The following SUCLG2 variants were observed in gnomAD, a reference collection of about 807,000 sequenced individuals.
SUCLG2 encodes the protein succinate--CoA ligase [GDP-forming] subunit beta, mitochondrial.
In SUCLG2, 42 loss-of-function variants were observed where a neutral mutation model predicts 47.9. The ratio of observed to expected loss-of-function variants is 0.88; its 90% CI spans 0.69 to 1.14. The LOEUF (loss-of-function observed/expected upper bound fraction) is 1.14. Among genes scored for constraint, SUCLG2 ranks in the 50% most tolerant of loss-of-function variants. The pLI is 0.00. For synonymous variants in SUCLG2, 195 were observed against 197.3 expected (o/e 0.99, Z 0.10); for missense variants, 571 against 525.9 (o/e 1.09, Z -0.84).
intron 9 of SUCLG2, among the ~76,000 whole-genome samples, chr3:67,493,668 A>G (rs1056573864): frequency 9.2e-5 from 14 of 152,098 alleles, no homozygotes; most frequent in African/African-American, 3.1e-4. Flanking sequence ...GTAGACGCTA[A>G]AAGTTCAGTA....
intron 9 of SUCLG2, among the ~76,000 whole-genome samples, chr3:67,417,639 TAGG>T (rs1703065700): frequency 6.6e-6 from 1 of 152,114 alleles, no homozygotes; most frequent in South Asian, 2.1e-4. Flanking sequence ...GGATCCTGAG[TAGG>T]AGATTTTACT....
chr3:67,497,401 T>C (rs1419137373), intron 8 of SUCLG2, among the ~76,000 whole-genome samples: 6 of 152,168 alleles, frequency 3.9e-5, no homozygotes, highest in Non-Finnish European at 8.8e-5. Context: ...CTGAGCACTA[T>C]AAGCTGTGAA....
At chr3:67,582,317 C>T (rs1707901283) in intron 2 of SUCLG2, among the ~76,000 whole-genome samples, 1 of 152,190 alleles carries the variant, frequency 6.6e-6, no homozygotes, top group Admixed American at 6.5e-5. Flanking sequence ...TTCTTTGTGT[C>T]CATATGTACT....
chr3:67,639,939 T>C (rs1224556794), intron 1 of SUCLG2, among the ~76,000 whole-genome samples: 2 of 152,220 alleles, frequency 1.3e-5, no homozygotes, highest in Non-Finnish European at 2.9e-5. Flanking sequence ...AATACCAGTA[T>C]CAGTTTATTT....
intron 9 of SUCLG2, among the ~76,000 whole-genome samples, chr3:67,402,082 A>G (rs1322825068): frequency 6.6e-6 from 1 of 152,178 alleles, no homozygotes; most frequent in African/African-American, 2.4e-5. Flanking sequence ...TAGATTGTCT[A>G]CTGATTTGTT....
intron 1 of SUCLG2, among the ~76,000 whole-genome samples, chr3:67,617,150 T>C (rs770797994): frequency 6.6e-6 from 1 of 152,168 alleles, no homozygotes; most frequent in Non-Finnish European, 1.5e-5. Flanking sequence ...TGTGTCTCAA[T>C]ATAAGTGTCA....
intron 9 of SUCLG2, among the ~76,000 whole-genome samples, chr3:67,472,838 T>C (rs1704637882): frequency 6.6e-6 from 1 of 152,064 alleles, no homozygotes; most frequent in Non-Finnish European, 1.5e-5. Flanking sequence ...TACTTCAAAT[T>C]CCATTTATAA....
chr3:67,435,651 G>C (rs1642500714), intron 9 of SUCLG2, among the ~76,000 whole-genome samples: 1 of 152,174 alleles, frequency 6.6e-6, no homozygotes, highest in African/African-American at 2.4e-5. Flanking sequence ...AAGGTTGCAA[G>C]AATAGGAAAG....
intron 9 of SUCLG2, among the ~76,000 whole-genome samples, chr3:67,447,154 C>T (rs1703947129): frequency 6.6e-6 from 1 of 152,090 alleles, no homozygotes; most frequent in African/African-American, 2.4e-5. Context: ...GTCAATAAAA[C>T]TGAGTTAATT....
chr3:67,520,517 C>T lies in SUCLG2; in HGVS notation c.535G>A (p.Glu179Lys). 1.9e-6 allele frequency: 3 copies of T among 1,614,176 alleles called. No individual in the cohort carries two copies. Among genetic ancestry groups the T allele is most frequent in the Non-Finnish European group, 2.5e-6 (3 of 1,180,016 alleles). ...AGCTCCGGGTTTGAAGCAGCCACCT[C>T]TTCAATGTCGACGCCCCCCTGGGGG... Reference protein sequence around the residue: ...GSPQGGVDIEEVAASNPELIF... With the variant: ...GSPQGGVDIEKVAASNPELIF... Residue 179 changes from glutamate (E) to lysine (K), a missense_variant, in exon 5 of 11, where the codon GAG becomes AAG. Coordinates refer to ENST00000307227, the MANE Select transcript of SUCLG2 (RefSeq NM_003848.4).
At chr3:67,495,109 T>C (rs1018459561) in intron 9 of SUCLG2, among the ~76,000 whole-genome samples, 2 of 152,198 alleles carry the variant, frequency 1.3e-5, no homozygotes, top group East Asian at 1.9e-4. Flanking sequence ...TTTTCCAATA[T>C]ATGGTAATAC....
At chr3:67,628,259 G>A (rs1273618766) in intron 1 of SUCLG2, among the ~76,000 whole-genome samples, 1 of 152,174 alleles carries the variant, frequency 6.6e-6, no homozygotes, top group Non-Finnish European at 1.5e-5. Flanking sequence ...GTTCACTGAT[G>A]AGTGCCCCGT....
At position 67,504,528 on chromosome 3, in the gene SUCLG2, T is replaced by G. The variant is rs144584979; in HGVS notation, c.757+4279A>C. ...TTGGCCCAGTGAATGGATTTCAGCTTCCAACTGATGAAGATGCCCCAAAGC... is the reference window on the plus strand; with the variant it reads ...TTGGCCCAGTGAATGGATTTCAGCTGCCAACTGATGAAGATGCCCCAAAGC... On this transcript the variant is annotated intron_variant, in intron 7 of 10. Coordinates refer to ENST00000307227, the MANE Select transcript of SUCLG2 (RefSeq NM_003848.4). Among the ~76,000 whole-genome samples, 403 of 152,324 alleles carry G rather than the reference T, an allele frequency of 2.6e-3. 4 individuals carry two copies. The highest frequency in any genetic ancestry group is 9.1e-3 in the African/African-American group (378 of 41,582).
intron 10 of SUCLG2, among the ~76,000 whole-genome samples, chr3:67,396,505 G>T (rs1702533685): frequency 6.6e-6 from 1 of 152,094 alleles, no homozygotes; most frequent in Non-Finnish European, 1.5e-5. Context: ...ACCAATAACA[G>T]GCTCTGAAAT....
chr3:67,471,653 T>TGAA lies in SUCLG2; in HGVS notation c.1062+24142_1062+24144dup, dbSNP rs200053103. On this transcript the variant is annotated intron_variant, in intron 9 of 10. Coordinates refer to ENST00000307227, the MANE Select transcript of SUCLG2 (RefSeq NM_003848.4). ...AGGTGTGGGAGAGAAATGATGATGA[T>TGAA]GAAGAAGAAGAAGGCGGCAAATTAA... 4.4e-3 allele frequency among the ~76,000 whole-genome samples: 669 copies of TGAA among 152,174 alleles called. 11 individuals are homozygous for TGAA. The East Asian group carries it at 0.057, about 13-fold the overall frequency.
At chr3:67,478,233 G>A (rs13069047) in intron 9 of SUCLG2, among the ~76,000 whole-genome samples, 1 of 152,150 alleles carries the variant, frequency 6.6e-6, no homozygotes, top group African/African-American at 2.4e-5. Flanking sequence ...GGCCACCACG[G>A]CCACAATTTT....
chr3:67,405,267 G>A (rs4132746), intron 9 of SUCLG2, among the ~76,000 whole-genome samples: 109,374 of 152,008 alleles, frequency 0.72, 39,820 homozygotes, highest in Admixed American at 0.81. Flanking sequence ...ATGTCTGGGT[G>A]TTTTGCTTTG....
chr3:67,528,197 T>C lies in SUCLG2; in HGVS notation c.352A>G (p.Lys118Glu), dbSNP rs1177660961. ...GCTAGATTGTACCCAATCATCTGTT[T>C]AGCCAGCTGTCCCACAACATTAGGG... is the stretch of plus-strand genomic sequence containing the variant. The part of the protein sequence containing the change: ...KDPNVVGQLA[K>E]QMIGYNLATK... The change falls in exon 4 of 11, where the codon AAA becomes GAA. Residue 118 changes from lysine to glutamate, a missense_variant. Coordinates refer to ENST00000307227, the MANE Select transcript of SUCLG2 (RefSeq NM_003848.4). The C allele has an allele frequency of 3.7e-6, 6 of 1,613,910 alleles. No individual in the cohort carries two copies. In the East Asian group the frequency reaches 1.3e-4, roughly 36 times the overall value.
intron 2 of SUCLG2, among the ~76,000 whole-genome samples, chr3:67,595,029 G>C (rs898508399): frequency 6.6e-5 from 10 of 152,114 alleles, no homozygotes; most frequent in African/African-American, 2.4e-4. Context: ...AAAGGAAGCT[G>C]AACAAATAAA....
Sources: gnomAD v4.1 joint callset for allele counts (sites outside exome capture counted in the v4.1 genomes callset) on GRCh38, gnomAD v4.1.1 for gene constraint, MANE v1.5 for transcripts, NCBI Gene and HGNC (gene_info 2026-07-23, HGNC 2026-07-21) for gene names.